The following WWOX variants were observed in gnomAD, a reference collection of about 807,000 sequenced individuals.
The protein encoded by WWOX is WW domain-containing oxidoreductase.
In WWOX, 69 loss-of-function variants were observed where a neutral mutation model predicts 46.2. The observed-to-expected ratio is 1.49, with a 90% CI of 1.23 to 1.82. The LOEUF (loss-of-function observed/expected upper bound fraction) is 1.82. WWOX is among the 40% of genes most tolerant of loss of function. The pLI is 0.00. For missense variants in WWOX, 919 were observed against 542.6 expected (o/e 1.69, Z -6.89); for synonymous variants, 359 against 202.6 (o/e 1.77, Z -6.56).
intron 8 of WWOX, among the ~76,000 whole-genome samples, chr16:78,640,337 C>T (rs550407002): frequency 3.2e-4 from 46 of 143,198 alleles, no homozygotes; most frequent in African/African-American, 1.2e-3. Flanking sequence ...TCTGACTTCC[C>T]TTGAAAATTT....
intron 8 of WWOX, among the ~76,000 whole-genome samples, chr16:78,692,009 GCCA>G (rs1428212793): frequency 3.9e-5 from 6 of 152,128 alleles, no homozygotes; most frequent in Non-Finnish European, 7.3e-5. Context: ...ATTTTCTCTT[GCCA>G]CTGCCATGTA....
intron 8 of WWOX, chr16:79,016,434 T>C (rs2047414190): frequency 6.6e-6 from 1 of 152,332 alleles, no homozygotes; most frequent in Non-Finnish European, 1.5e-5. Context: ...TCTTTTTCTT[T>C]TCTTTTGAGA....
chr16:78,132,387 A>T (rs1764118354), intron 4 of WWOX, among the ~76,000 whole-genome samples: 1 of 152,194 alleles, frequency 6.6e-6, no homozygotes, highest in Non-Finnish European at 1.5e-5. Context: ...AAGAAAAGCA[A>T]AATCTACAGT....
intron 8 of WWOX, among the ~76,000 whole-genome samples, chr16:78,893,392 A>G (rs1190539386): frequency 6.6e-6 from 1 of 152,008 alleles, no homozygotes; most frequent in Non-Finnish European, 1.5e-5. Flanking sequence ...CCCATTCAGT[A>G]TATTTTCTTT....
chr16:79,128,963 G>A (rs2049818797), intron 8 of WWOX, among the ~76,000 whole-genome samples: 1 of 152,168 alleles, frequency 6.6e-6, no homozygotes, highest in Non-Finnish European at 1.5e-5. Context: ...ATCACCAAAG[G>A]GGGCCAAGCG....
intron 8 of WWOX, among the ~76,000 whole-genome samples, chr16:78,592,371 T>C (rs2151604166): frequency 6.6e-6 from 1 of 152,330 alleles, no homozygotes; most frequent in South Asian, 2.1e-4. Context: ...GATATTGAAT[T>C]GAACACCATT....
intron 8 of WWOX, among the ~76,000 whole-genome samples, chr16:79,176,501 A>G (rs759892887): frequency 2.6e-4 from 40 of 152,232 alleles, no homozygotes; most frequent in Non-Finnish European, 2.8e-4. Flanking sequence ...ACTTGAGGAT[A>G]CACACAGTTT....
At chr16:78,108,004 C>G (rs2032257610) in intron 1 of WWOX, among the ~76,000 whole-genome samples, 1 of 152,058 alleles carries the variant, frequency 6.6e-6, no homozygotes, top group Non-Finnish European at 1.5e-5. Flanking sequence ...TCTCGGCTCA[C>G]TGCAACTTCT....
chr16:78,630,812 C>G (rs1360375691), intron 8 of WWOX, among the ~76,000 whole-genome samples: 1 of 152,122 alleles, frequency 6.6e-6, no homozygotes. Flanking sequence ...ATAGTTGGGA[C>G]CAGACCTCAA....
chr16:79,207,492 C>T (rs1375673005), intron 8 of WWOX, among the ~76,000 whole-genome samples: 1 of 152,218 alleles, frequency 6.6e-6, no homozygotes, highest in African/African-American at 2.4e-5. Flanking sequence ...CATAACTCTA[C>T]TTTTTGCATA....
At chr16:78,598,479 T>C (rs754266512) in intron 8 of WWOX, among the ~76,000 whole-genome samples, 48 of 152,176 alleles carry the variant, frequency 3.2e-4, no homozygotes, top group Non-Finnish European at 5.4e-4. Flanking sequence ...TTCATTTTGC[T>C]CTGATACAAT....
chr16:78,651,721 G>A (rs2046969865), intron 8 of WWOX, among the ~76,000 whole-genome samples: 1 of 152,180 alleles, frequency 6.6e-6, no homozygotes, highest in South Asian at 2.1e-4. Flanking sequence ...AGGAGTAGGA[G>A]GGCAGCAGCC....
At chr16:78,641,522 A>C (rs2046710605) in intron 8 of WWOX, among the ~76,000 whole-genome samples, 1 of 152,092 alleles carries the variant, frequency 6.6e-6, no homozygotes, top group African/African-American at 2.4e-5. Flanking sequence ...GACTCAATCA[A>C]ATGGGGAAAA....
chr16:78,675,512 A>G (rs1213683662), intron 8 of WWOX, among the ~76,000 whole-genome samples: 1 of 152,124 alleles, frequency 6.6e-6, no homozygotes, highest in African/African-American at 2.4e-5. Flanking sequence ...ACAACTAGTG[A>G]CTCATTTAAC....
Position 78,970,599 on chromosome 16 carries a change from C to T in WWOX, c.1057-241009C>T, listed in dbSNP as rs1014934669. On this transcript the variant is annotated intron_variant, in intron 8 of 8. Transcript: ENST00000566780. ...AGTAAGACATTCAAGGTAGAAGGAA[C>T]AGTATGAGGAAAGTCAGAGAGCTAA... Among the ~76,000 whole-genome samples, 4 of 152,100 alleles carry T rather than the reference C, an allele frequency of 2.6e-5. No homozygotes were observed. In the East Asian group the frequency reaches 5.8e-4, roughly 22 times the overall value.
intron 8 of WWOX, among the ~76,000 whole-genome samples, chr16:78,632,941 A>G (rs191414467): frequency 6.6e-6 from 1 of 152,042 alleles, no homozygotes; most frequent in Non-Finnish European, 1.5e-5. Context: ...GAGGGATCCA[A>G]CATTTATTAT....
chr16:78,916,751 A>G (rs966128079), intron 8 of WWOX, among the ~76,000 whole-genome samples: 1 of 152,234 alleles, frequency 6.6e-6, no homozygotes, highest in Non-Finnish European at 1.5e-5. Flanking sequence ...TGTCTGATAA[A>G]TTCTGGGAAA....
intron 8 of WWOX, among the ~76,000 whole-genome samples, chr16:78,873,851 A>G (rs1286933561): frequency 1.3e-5 from 2 of 152,080 alleles, no homozygotes; most frequent in Admixed American, 6.5e-5. Flanking sequence ...TTGCCAGGCC[A>G]TGTGCTTAGT....
At chr16:78,517,775 T>A (rs139353936) in intron 8 of WWOX, among the ~76,000 whole-genome samples, 1 of 151,570 alleles carries the variant, frequency 6.6e-6, no homozygotes, top group East Asian at 1.9e-4. Flanking sequence ...GGCTTTGAGG[T>A]TTATTTCCTT....
Sources: gnomAD v4.1 joint callset for allele counts (sites outside exome capture counted in the v4.1 genomes callset) on GRCh38, gnomAD v4.1.1 for gene constraint, MANE v1.5 for transcripts, NCBI Gene and HGNC (gene_info 2026-07-23, HGNC 2026-07-21) for gene names.